ENTREP2: variants seen among roughly 807,000 people sequenced by gnomAD.
The protein encoded by ENTREP2 is protein ENTREP2.
the ENTREP2 span, among the ~76,000 whole-genome samples, chr15:29,565,702 G>A: frequency 1.3e-5 from 2 of 152,046 alleles, no homozygotes; most frequent in Admixed American, 6.6e-5. Context: ...GGTGGCTCAC[G>A]CCTGTAATCT....
chr15:29,581,530 G>A, the ENTREP2 span, among the ~76,000 whole-genome samples: 2 of 151,970 alleles, frequency 1.3e-5, no homozygotes. Flanking sequence ...TGGGTACTGT[G>A]GCCCAGCAAA....
chr15:29,512,754 C>T, the ENTREP2 span, among the ~76,000 whole-genome samples: 1 of 152,178 alleles, frequency 6.6e-6, no homozygotes, highest in Non-Finnish European at 1.5e-5. Flanking sequence ...AAATAAATGT[C>T]TACTGTTTAA....
chr15:29,431,345 G>A, the ENTREP2 span, among the ~76,000 whole-genome samples: 6 of 152,082 alleles, frequency 3.9e-5, no homozygotes, highest in Admixed American at 2.0e-4. Flanking sequence ...CTAAAATTTT[G>A]ATGAAACAGG....
At chr15:29,400,858 G>C in the ENTREP2 span, among the ~76,000 whole-genome samples, 1 of 152,236 alleles carries the variant, frequency 6.6e-6, no homozygotes, top group African/African-American at 2.4e-5. Flanking sequence ...GAGGTCGGAG[G>C]CTCCTGCAGA....
chr15:29,120,678 A>T, the ENTREP2 span: 2 of 152,320 alleles, frequency 1.3e-5, no homozygotes, highest in Non-Finnish European at 2.9e-5. Flanking sequence ...CCCGGGGCCC[A>T]GCTGAGTTGG....
At chr15:29,133,826 C>G in the ENTREP2 span, among the ~76,000 whole-genome samples, 2 of 152,220 alleles carry the variant, frequency 1.3e-5, no homozygotes, top group Non-Finnish European at 2.9e-5. Flanking sequence ...GGTGGACACT[C>G]ACTCAGAATT....
At chr15:29,301,234 A>C in the ENTREP2 span, among the ~76,000 whole-genome samples, 1 of 152,254 alleles carries the variant, frequency 6.6e-6, no homozygotes, top group Non-Finnish European at 1.5e-5. Context: ...ATAAAATAAA[A>C]AATAAGGGTA....
chr15:29,168,979 G>A, the ENTREP2 span, among the ~76,000 whole-genome samples: 30 of 152,232 alleles, frequency 2.0e-4, no homozygotes, highest in South Asian at 6.0e-3. Context: ...GTAAATAATC[G>A]TAGACTAATT....
the ENTREP2 span, among the ~76,000 whole-genome samples, chr15:29,518,146 C>T: frequency 2.0e-5 from 3 of 152,074 alleles, no homozygotes; most frequent in Admixed American, 6.5e-5. Context: ...TTGGAGGCTA[C>T]AGCGAGCTAT....
the ENTREP2 span, among the ~76,000 whole-genome samples, chr15:29,177,979 T>C: frequency 6.6e-6 from 1 of 151,966 alleles, no homozygotes; most frequent in Admixed American, 6.6e-5. Context: ...TGCCTAAAAA[T>C]ACTCAAGGAG....
chr15:29,473,579 C>T, the ENTREP2 span, among the ~76,000 whole-genome samples: 1 of 152,168 alleles, frequency 6.6e-6, no homozygotes, highest in Non-Finnish European at 1.5e-5. Flanking sequence ...AGCGGAAGGC[C>T]ACCTGTGGTC....
chr15:29,499,432 G>A, the ENTREP2 span, among the ~76,000 whole-genome samples: 1 of 152,072 alleles, frequency 6.6e-6, no homozygotes, highest in African/African-American at 2.4e-5. Flanking sequence ...TGCCCAGGCT[G>A]GAGTGCAGTG....
chr15:29,338,241 T>C, the ENTREP2 span, among the ~76,000 whole-genome samples: 3 of 150,854 alleles, frequency 2.0e-5, no homozygotes, highest in Admixed American at 6.6e-5. Flanking sequence ...CCTCTGCATA[T>C]AAGGAGTGAA....
At chr15:29,265,582 T>C in the ENTREP2 span, 1 of 152,238 alleles carries the variant, frequency 6.6e-6, no homozygotes, top group Non-Finnish European at 1.5e-5. Context: ...GAGATTGCAC[T>C]GAGCCAAGAT....
the ENTREP2 span, among the ~76,000 whole-genome samples, chr15:29,132,188 C>T: frequency 1.6e-4 from 25 of 152,344 alleles, no homozygotes; most frequent in South Asian, 8.3e-4. Context: ...GACCCTGCCT[C>T]GCCCGGGCTG....
the ENTREP2 span, among the ~76,000 whole-genome samples, chr15:29,436,401 C>T: frequency 2.0e-5 from 3 of 152,134 alleles, no homozygotes; most frequent in Admixed American, 6.5e-5. Context: ...TGGGGTCAAT[C>T]GTTTTTAAAC....
At chr15:29,651,227 T>C in the ENTREP2 span, among the ~76,000 whole-genome samples, 1 of 152,244 alleles carries the variant, frequency 6.6e-6, no homozygotes, top group Non-Finnish European at 1.5e-5. Context: ...AGCTAAATAC[T>C]GTCAAAGAGA....
At chr15:29,216,477 T>TG in the ENTREP2 span, among the ~76,000 whole-genome samples, 1 of 152,176 alleles carries the variant, frequency 6.6e-6, no homozygotes, top group South Asian at 2.1e-4. Flanking sequence ...ATTTCCCAGG[T>TG]GTTCTTTGTG....
chr15:29,417,805 G>A, the ENTREP2 span, among the ~76,000 whole-genome samples: 19 of 152,240 alleles, frequency 1.2e-4, no homozygotes, highest in African/African-American at 4.3e-4. Context: ...GATCTGGTCT[G>A]AAAAGTATAG....
Sources: allele counts gnomAD v4.1 joint callset (sites outside exome capture counted in the v4.1 genomes callset), GRCh38; gene constraint gnomAD v4.1.1; transcripts MANE v1.5; gene names NCBI Gene and HGNC (gene_info 2026-07-23, HGNC 2026-07-21).